Variants in KCNMA1 observed in about 807,000 individuals in gnomAD.
KCNMA1 encodes potassium calcium-activated channel subfamily M alpha 1.
A neutral mutation model predicts 140.0 loss-of-function variants in KCNMA1; 29 were observed. That is an observed-to-expected ratio of 0.21 (90% CI 0.15 to 0.28). KCNMA1 has a LOEUF of 0.28. KCNMA1 is among the 10% of genes least tolerant of loss of function. KCNMA1 has a pLI of 1.00. For synonymous variants in KCNMA1, 612 were observed against 611.9 expected (o/e 1.00, Z 0.00); for missense variants, 880 against 1,602.2 (o/e 0.55, Z 7.70).
At chr10:76,904,613 TG>T (rs1264960983) in intron 25 of KCNMA1, 2 of 152,032 alleles carry the variant, frequency 1.3e-5, no homozygotes, top group South Asian at 2.1e-4. Context: ...CCAACTTGTG[TG>T]CATTGGAACT....
chr10:77,601,845 G>A (rs1464721204), intron 1 of KCNMA1, among the ~76,000 whole-genome samples: 1 of 152,138 alleles, frequency 6.6e-6, no homozygotes, highest in Non-Finnish European at 1.5e-5. Flanking sequence ...CAAATTTTTT[G>A]GACCAAGAGC....
chr10:77,041,513 C>A (rs1229781965), intron 14 of KCNMA1, among the ~76,000 whole-genome samples: 1 of 151,950 alleles, frequency 6.6e-6, no homozygotes, highest in African/African-American at 2.4e-5. Flanking sequence ...GTTGGCCAGA[C>A]TGATCTCAAA....
intron 1 of KCNMA1, among the ~76,000 whole-genome samples, chr10:77,466,683 T>C (rs549150996): frequency 6.6e-6 from 1 of 152,316 alleles, no homozygotes; most frequent in African/African-American, 2.4e-5. Flanking sequence ...AGGCTGAATG[T>C]AGCTCTAGTG....
intron 1 of KCNMA1, among the ~76,000 whole-genome samples, chr10:77,443,146 G>A (rs537584957): frequency 9.2e-5 from 14 of 152,322 alleles, no homozygotes; most frequent in African/African-American, 3.1e-4. Flanking sequence ...ATCATCCCAC[G>A]AGGGGCCAGA....
At chr10:77,165,300 C>T (rs780805950) in intron 5 of KCNMA1, among the ~76,000 whole-genome samples, 1 of 152,194 alleles carries the variant, frequency 6.6e-6, no homozygotes, top group Non-Finnish European at 1.5e-5. Flanking sequence ...CACAGTACTT[C>T]TGGTTCATAA....
intron 5 of KCNMA1, among the ~76,000 whole-genome samples, chr10:77,173,017 T>A (rs953795977): frequency 5.3e-5 from 8 of 152,096 alleles, no homozygotes; most frequent in Non-Finnish European, 1.2e-4. Flanking sequence ...AGAGGCCCCA[T>A]CTCCAACACG....
At chr10:76,974,915 C>T (rs1375722716) in intron 19 of KCNMA1, among the ~76,000 whole-genome samples, 1 of 152,144 alleles carries the variant, frequency 6.6e-6, no homozygotes, top group Non-Finnish European at 1.5e-5. Flanking sequence ...CCCATTCTTT[C>T]CTGAAGTCTG....
At chr10:77,193,328 T>C (rs2039250996) in intron 3 of KCNMA1, among the ~76,000 whole-genome samples, 1 of 152,196 alleles carries the variant, frequency 6.6e-6, no homozygotes, top group Non-Finnish European at 1.5e-5. Context: ...GCAACTTCTA[T>C]GTAATAAATC....
intron 2 of KCNMA1, among the ~76,000 whole-genome samples, chr10:77,328,007 T>C (rs920632105): frequency 2.0e-5 from 3 of 152,126 alleles, no homozygotes; most frequent in Admixed American, 6.5e-5. Context: ...CTGAGGACCT[T>C]GTGGGAGTGC....
At chr10:77,058,229 A>G (rs1392807915) in intron 14 of KCNMA1, among the ~76,000 whole-genome samples, 1 of 152,110 alleles carries the variant, frequency 6.6e-6, no homozygotes, top group Non-Finnish European at 1.5e-5. Flanking sequence ...GTAACAATCT[A>G]AAGTATATGC....
downstream of KCNMA1, chr10:76,875,646 G>C (rs905551188): frequency 4.6e-5 from 7 of 152,168 alleles, no homozygotes; most frequent in African/African-American, 1.7e-4. Context: ...TTTGGAGGTG[G>C]TTATTACGAG....
chr10:77,127,528 C>T (rs999032269), intron 5 of KCNMA1, among the ~76,000 whole-genome samples: 4 of 152,032 alleles, frequency 2.6e-5, no homozygotes, highest in African/African-American at 9.7e-5. Flanking sequence ...GCTCTTTTGC[C>T]TGTATTCCCA....
chr10:76,942,783 C>T (rs1191903474), intron 23 of KCNMA1, among the ~76,000 whole-genome samples: 1 of 152,152 alleles, frequency 6.6e-6, no homozygotes, highest in East Asian at 1.9e-4. Flanking sequence ...TTTCCTGCCT[C>T]CTCCTGCTGG....
intron 1 of KCNMA1, among the ~76,000 whole-genome samples, chr10:77,429,542 C>T (rs760884376): frequency 2.0e-4 from 31 of 152,164 alleles, no homozygotes; most frequent in African/African-American, 7.0e-4. Flanking sequence ...ATTTCATAAG[C>T]TTCTCCCCAA....
At chr10:77,130,938 T>C (rs1263378571) in intron 5 of KCNMA1, among the ~76,000 whole-genome samples, 1 of 152,122 alleles carries the variant, frequency 6.6e-6, no homozygotes. Context: ...CTTTGGTCAA[T>C]ACATAAAGAC....
intron 2 of KCNMA1, among the ~76,000 whole-genome samples, chr10:77,386,694 GA>G (rs1233757013): frequency 6.6e-6 from 1 of 152,196 alleles, no homozygotes; most frequent in Non-Finnish European, 1.5e-5. Flanking sequence ...CATCTTGATG[GA>G]GATGATAAAC....
chr10:77,423,109 C>T (rs575108961), intron 1 of KCNMA1, among the ~76,000 whole-genome samples: 11 of 152,232 alleles, frequency 7.2e-5, no homozygotes, highest in South Asian at 2.1e-4. Context: ...TGGGTGTCTG[C>T]GCTGGGGTCT....
intron 1 of KCNMA1, among the ~76,000 whole-genome samples, chr10:77,581,866 G>A (rs2075986434): frequency 6.6e-6 from 1 of 152,252 alleles, no homozygotes; most frequent in Admixed American, 6.5e-5. Flanking sequence ...AATGGAGGAA[G>A]ACAGCTTCAA....
intron 1 of KCNMA1, among the ~76,000 whole-genome samples, chr10:77,448,972 A>G (rs966277089): frequency 4.6e-5 from 7 of 152,050 alleles, no homozygotes; most frequent in Non-Finnish European, 5.9e-5. Context: ...CTGTAATCCC[A>G]GCTACTCATG....
Sources: gnomAD v4.1 joint callset for allele counts (sites outside exome capture counted in the v4.1 genomes callset) on GRCh38, gnomAD v4.1.1 for gene constraint, MANE v1.5 for transcripts, NCBI Gene and HGNC (gene_info 2026-07-23, HGNC 2026-07-21) for gene names.